Variants in KHDRBS2 observed in about 807,000 individuals in gnomAD.
KHDRBS2 encodes the protein KH RNA binding domain containing, signal transduction associated 2, also known as KH domain-containing, RNA-binding, signal transduction-associated protein 2.
A neutral mutation model predicts 44.3 loss-of-function variants in KHDRBS2; 26 were observed. The observed-to-expected ratio is 0.59, with a 90% CI of 0.43 to 0.81. The LOEUF (loss-of-function observed/expected upper bound fraction) is 0.81. KHDRBS2 is among the 40% of genes least tolerant of loss of function. The pLI is 0.00. For synonymous variants in KHDRBS2, 194 were observed against 151.1 expected (o/e 1.28, Z -2.08); for missense variants, 476 against 433.1 (o/e 1.10, Z -0.88).
In KHDRBS2 at chr6:62,018,299, ATGTGTGTGTGTG is replaced by A. The variant is rs57360690; in HGVS notation, c.336+29567_336+29578del. 8.5e-3 allele frequency among the ~76,000 whole-genome samples: 1,237 copies of A among 146,212 alleles called. 10 individuals carry two copies. The highest frequency in any genetic ancestry group is 0.013 in the African/African-American group (497 of 39,466). The stretch of plus-strand genomic sequence containing the variant: ...GTATATTCACACACTATATATATAT[ATGTGTGTGTGTG>A]TGTGTGTGTGTGTGTGTGTGTGTGT... On this transcript the variant is annotated intron_variant, in intron 3 of 8. Transcript: ENST00000281156.
At chr6:61,683,150 T>C (rs569398274) in intron 8 of KHDRBS2, among the ~76,000 whole-genome samples, 45 of 152,026 alleles carry the variant, frequency 3.0e-4, no homozygotes, top group Admixed American at 2.9e-3. Flanking sequence ...GGTCCTTTTT[T>C]AGATTCTGAA....
At chr6:61,565,489 T>C in the KHDRBS2 span, among the ~76,000 whole-genome samples, 1,915 of 152,086 alleles carry the variant, frequency 0.013, 35 homozygotes, top group African/African-American at 0.043. Flanking sequence ...ATAATTTAAT[T>C]TGTAAATGGG....
intron 1 of KHDRBS2, among the ~76,000 whole-genome samples, chr6:62,229,467 T>C (rs923866432): frequency 2.0e-5 from 3 of 152,146 alleles, no homozygotes; most frequent in African/African-American, 2.4e-5. Context: ...GTGTTGGACA[T>C]TGCCCCTCCC....
the KHDRBS2 span, among the ~76,000 whole-genome samples, chr6:61,668,679 A>G: frequency 6.6e-6 from 1 of 151,066 alleles, no homozygotes; most frequent in Non-Finnish European, 1.5e-5. Context: ...TGTTTTTCAC[A>G]TTACTATCTG....
intron 3 of KHDRBS2, among the ~76,000 whole-genome samples, chr6:62,043,223 G>T (rs1410933931): frequency 6.6e-6 from 1 of 151,892 alleles, no homozygotes; most frequent in East Asian, 1.9e-4. Context: ...ACCAGTCTTT[G>T]CCATCAACAC....
At chr6:61,757,834 T>C (rs1287459478) in intron 6 of KHDRBS2, among the ~76,000 whole-genome samples, 1 of 152,292 alleles carries the variant, frequency 6.6e-6, no homozygotes, top group East Asian at 1.9e-4. Context: ...TTATATACTC[T>C]ACACAATGTC....
intron 4 of KHDRBS2, among the ~76,000 whole-genome samples, chr6:61,975,555 C>T (rs1772419235): frequency 6.6e-6 from 1 of 151,884 alleles, no homozygotes; most frequent in South Asian, 2.1e-4. Flanking sequence ...TTATGACTTT[C>T]ATTGATGGGA....
chr6:62,082,711 T>C (rs1374236090), intron 2 of KHDRBS2, among the ~76,000 whole-genome samples: 1 of 152,142 alleles, frequency 6.6e-6, no homozygotes, highest in East Asian at 1.9e-4. Context: ...ATGTTTCCTG[T>C]CCTGTGTAGG....
chr6:61,930,573 G>A (rs1391334027), intron 4 of KHDRBS2, among the ~76,000 whole-genome samples: 1 of 99,720 alleles, frequency 1.0e-5, no homozygotes, highest in African/African-American at 5.2e-5. Flanking sequence ...AAAAAGGCTA[G>A]TCTAGTCTAG....
the KHDRBS2 span, among the ~76,000 whole-genome samples, chr6:61,584,459 C>A: frequency 1.3e-5 from 2 of 151,778 alleles, no homozygotes; most frequent in Non-Finnish European, 3.0e-5. Flanking sequence ...TATGACCTTT[C>A]TTCCTCAATC....
chr6:61,780,176 A>T (rs892923192), intron 6 of KHDRBS2, among the ~76,000 whole-genome samples: 3 of 152,200 alleles, frequency 2.0e-5, no homozygotes, highest in Non-Finnish European at 2.9e-5. Flanking sequence ...TTAAAAATTT[A>T]AAAAATATAC....
intron 6 of KHDRBS2, among the ~76,000 whole-genome samples, chr6:61,849,095 C>T (rs913929450): frequency 2.0e-5 from 3 of 152,030 alleles, no homozygotes; most frequent in African/African-American, 7.2e-5. Flanking sequence ...AGATTTTCTT[C>T]AGTAGAGATG....
chr6:62,107,778 G>T (rs1215289751), intron 2 of KHDRBS2, among the ~76,000 whole-genome samples: 1 of 152,126 alleles, frequency 6.6e-6, no homozygotes, highest in Non-Finnish European at 1.5e-5. Flanking sequence ...AGAGCTCTCA[G>T]AAATAATGCC....
intron 1 of KHDRBS2, among the ~76,000 whole-genome samples, chr6:62,230,191 G>A (rs552329678): frequency 6.6e-6 from 1 of 151,994 alleles, no homozygotes; most frequent in East Asian, 1.9e-4. Context: ...TATTACTTTA[G>A]GTTTATAAAA....
chr6:61,665,374 G>A, the KHDRBS2 span, among the ~76,000 whole-genome samples: 2 of 151,292 alleles, frequency 1.3e-5, no homozygotes, highest in African/African-American at 4.8e-5. Context: ...AAGAGGAGTT[G>A]CATCACTTAT....
chr6:62,101,275 A>C (rs969726396), intron 2 of KHDRBS2, among the ~76,000 whole-genome samples: 2 of 152,108 alleles, frequency 1.3e-5, no homozygotes, highest in African/African-American at 4.8e-5. Flanking sequence ...ATATTACAAG[A>C]TATCAACATC....
At chr6:61,715,402 C>A (rs1217393004) in intron 7 of KHDRBS2, among the ~76,000 whole-genome samples, 3 of 151,878 alleles carry the variant, frequency 2.0e-5, no homozygotes, top group African/African-American at 4.8e-5. Flanking sequence ...TTTAGGCTTT[C>A]TTGTTTCCTT....
rs1180750340 is a variant in KHDRBS2 at position 61,848,491 on chromosome 6, G to GTATATA, written c.810+46138_810+46143dup. Among the ~76,000 whole-genome samples the GTATATA allele has an allele frequency of 2.3e-4, 7 of 30,470 alleles. No individual in the cohort carries two copies. In the South Asian group the frequency reaches 3.9e-3, roughly 17 times the overall value. 20.0% of individuals were successfully genotyped at this position (30,470 alleles called of 152,430 possible). A position where few individuals can be genotyped will look rare whatever the true frequency, so the allele number is the denominator to read the frequency against. On this transcript the variant is annotated intron_variant, in intron 6 of 8. Transcript: ENST00000281156. Reference sequence around the variant, plus strand: ...GTTTTATATATATATATATATATATGTATATATATATATATATATGTATAT... The same window carrying GTATATA: ...GTTTTATATATATATATATATATATGTATATATATATATATATATATATATGTATAT...
At chr6:62,232,871 A>T (rs1002529214) in intron 1 of KHDRBS2, among the ~76,000 whole-genome samples, 17 of 152,290 alleles carry the variant, frequency 1.1e-4, no homozygotes, top group African/African-American at 4.1e-4. Flanking sequence ...CCACGGAACT[A>T]GAAGTCACCA....
Sources: gnomAD v4.1 joint callset for allele counts (sites outside exome capture counted in the v4.1 genomes callset) on GRCh38, gnomAD v4.1.1 for gene constraint, MANE v1.5 for transcripts, NCBI Gene and HGNC (gene_info 2026-07-23, HGNC 2026-07-21) for gene names.